SLC9C2: variants seen among roughly 807,000 people sequenced by gnomAD.
SLC9C2 encodes the protein sodium/hydrogen exchanger 11.
A neutral mutation model predicts 140.2 loss-of-function variants in SLC9C2; 75 were observed. The ratio of observed to expected loss-of-function variants is 0.53; its 90% CI spans 0.44 to 0.65. The LOEUF is 0.65. SLC9C2 is among the 30% of genes least tolerant of loss of function. The pLI, the probability that SLC9C2 is intolerant of heterozygous loss-of-function variation, is 0.00. For missense variants in SLC9C2, 1,074 were observed against 1,331.8 expected, an observed-to-expected ratio of 0.81 and a Z score of 3.01; for synonymous variants, 375 against 420.9, an observed-to-expected ratio of 0.89 and a Z score of 1.34.
chr1:173,545,086 A>G (rs959754034), intron 13 of SLC9C2, among the ~76,000 whole-genome samples: 1 of 152,192 alleles, frequency 6.6e-6, no homozygotes, highest in Non-Finnish European at 1.5e-5. Context: ...GTGTGGCTGA[A>G]GGCCCTTTGT....
intron 3 of SLC9C2, 114 bp from the exon 4 acceptor site, chr1:173,598,146 G>C (rs989351834): frequency 1.3e-5 from 15 of 1,158,982 alleles, no homozygotes; most frequent in Non-Finnish European, 1.8e-5. Flanking sequence ...TACAGCTAAC[G>C]AGAGAGTATC....
chr1:173,557,511 G>T lies in SLC9C2; in HGVS notation c.1047-3C>A, dbSNP rs1663794564. The T allele has an allele frequency of 6.2e-7, 1 of 1,605,538 alleles. No individual in the cohort carries two copies. Among genetic ancestry groups the T allele is most frequent in the East Asian group, 2.2e-5 (1 of 44,796 alleles). On this transcript the variant is annotated splice_polypyrimidine_tract_variant and splice_region_variant and intron_variant, in intron 9 of 27. Coordinates refer to ENST00000367714, the MANE Select transcript of SLC9C2 (RefSeq NM_178527.4). ...TCACTAACAAAATAGTAAGCAACCT[G>T]TGGAGAGGGAAACATTAAAAATAAA...
rs368120467 is a variant in SLC9C2, at chr1:173,507,025, T to C, written c.3056A>G (p.Asn1019Ser). Residue 1019 changes from asparagine (N) to serine (S), a missense_variant, in exon 25 of 28, where the codon AAC (asparagine) becomes AGC (serine). Asn to Ser is a conservative substitution (Grantham distance 46). Coordinates refer to ENST00000367714, the MANE Select transcript of SLC9C2 (RefSeq NM_178527.4). Reference sequence around the variant, plus strand: ...ATATGCTTGATTGAACATCACACAGTTCTGAAACCTTAAGTCCTATAATAA... The same window carrying C: ...ATATGCTTGATTGAACATCACACAGCTCTGAAACCTTAAGTCCTATAATAA... The part of the protein sequence containing the change: ...SLIDEDLRFQ[N>S]CVMFNQAYVE... 13 of 1,586,568 alleles carry C rather than the reference T, an allele frequency of 8.2e-6. No individual in the cohort carries two copies. In the African/African-American group the frequency reaches 1.6e-4, roughly 20 times the overall value.
At chr1:173,563,076 T>C (rs773792610) in intron 9 of SLC9C2, among the ~76,000 whole-genome samples, 4 of 151,818 alleles carry the variant, frequency 2.6e-5, no homozygotes, top group Non-Finnish European at 5.9e-5. Flanking sequence ...TCCTGTAATC[T>C]GAAGCCACGG....
At chr1:173,518,350 G>A (rs1054015070) in intron 22 of SLC9C2, among the ~76,000 whole-genome samples, 3 of 151,794 alleles carry the variant, frequency 2.0e-5, no homozygotes, top group African/African-American at 4.8e-5. Context: ...TATTCTTACC[G>A]CAATGGGCTA....
chr1:173,574,886 A>G (rs980213409), intron 8 of SLC9C2, among the ~76,000 whole-genome samples: 1 of 152,098 alleles, frequency 6.6e-6, no homozygotes, highest in African/African-American at 2.4e-5. Context: ...TGGGAGGCTG[A>G]GGAGGATAGA....
intron 16 of SLC9C2, 46 bp from the exon 17 acceptor site, chr1:173,533,843 T>C (rs754190133): frequency 9.3e-6 from 14 of 1,501,732 alleles, no homozygotes; most frequent in Middle Eastern, 2.4e-4. Context: ...TACAGTAATG[T>C]TGGGGGGAAG....
intron 7 of SLC9C2, among the ~76,000 whole-genome samples, chr1:173,578,610 G>A (rs1665329371): frequency 6.6e-6 from 1 of 152,184 alleles, no homozygotes; most frequent in African/African-American, 2.4e-5. Context: ...CCACAGAAAT[G>A]TATTGTCTCA....
chr1:173,552,729 A>C (rs1663403679), intron 11 of SLC9C2, among the ~76,000 whole-genome samples: 2 of 152,258 alleles, frequency 1.3e-5, no homozygotes, highest in Non-Finnish European at 2.9e-5. Context: ...CTCATTGACA[A>C]TACACTTAGT....
At chr1:173,556,530 A>G (rs181419868) in intron 10 of SLC9C2, among the ~76,000 whole-genome samples, 1 of 152,298 alleles carries the variant, frequency 6.6e-6, no homozygotes, top group East Asian at 1.9e-4. Flanking sequence ...ATACTTAACT[A>G]GCATTTCAGT....
rs1659555613 is a variant in SLC9C2 at position 173,505,282 on chromosome 1, T to C, written c.3275A>G (p.Glu1092Gly). The C allele has an allele frequency of 6.2e-7, 1 of 1,614,144 alleles. No individual in the cohort carries two copies. Among genetic ancestry groups the C allele is most frequent in the African/African-American group, 1.3e-5 (1 of 75,054 alleles). Residue 1092 changes from glutamate (E) to glycine (G), a missense_variant, in exon 26 of 28, where the codon GAG becomes GGG. Transcript: ENST00000367714. ...GGTGTTACTATTTCTTTGGGTAAGC[T>C]CAGATGCTTGGATTATCAGCAGCTT... ...LSKLLIIQAS[E>G]LTQRNSNTNV...
At chr1:173,576,819 G>C in intron 7 of SLC9C2, 59 bp from the exon 8 acceptor site, 2 of 1,004,738 alleles carry the variant, frequency 2.0e-6, no homozygotes, top group South Asian at 3.0e-5. Context: ...TGCACACTGA[G>C]ACACTTTATC....
At position 173,587,782 on chromosome 1, in the gene SLC9C2, C is replaced by G; in HGVS notation, c.406G>C (p.Gly136Arg). The G allele has an allele frequency of 3.1e-6, 5 of 1,613,094 alleles. No individual in the cohort carries two copies. The highest frequency in any genetic ancestry group is 4.2e-6 in the Non-Finnish European group (5 of 1,179,464). ...ISFSTASIII[G>R]YVVIKFNKDS... is the part of the protein sequence containing the mutation. ...TTATTGAATTTTATAACGACATATC[C>G]AATTATGATGCTTGCTGTAGAAAAG... Residue 136 changes from glycine (G) to arginine (R), a missense_variant, in exon 5 of 28, where the codon GGA (glycine) becomes CGA (arginine). Physicochemically the swap from Gly to Arg is moderately radical, Grantham distance 125 (BLOSUM62 -2). Coordinates refer to ENST00000367714, the MANE Select transcript of SLC9C2 (RefSeq NM_178527.4).
rs1026881191 is a variant in SLC9C2 at position 173,574,229 on chromosome 1, C to G, written c.903-904G>C. Among the ~76,000 whole-genome samples the G allele has an allele frequency of 3.9e-5, 6 of 152,160 alleles. No homozygotes were observed. In the East Asian group the frequency reaches 7.7e-4, roughly 20 times the overall value. On this transcript the variant is annotated intron_variant, in intron 8 of 27. Transcript: ENST00000367714. ...AGCTGACTGGGTAAGTGCATCTGCC[C>G]CACAAACCATTCTCCTTACAGGTGG...
At chr1:173,534,157 C>T (rs956885873) in intron 16 of SLC9C2, among the ~76,000 whole-genome samples, 2 of 152,050 alleles carry the variant, frequency 1.3e-5, no homozygotes, top group African/African-American at 4.8e-5. Flanking sequence ...ACCTAGCAAA[C>T]CAATTCTTAT....
intron 10 of SLC9C2, among the ~76,000 whole-genome samples, chr1:173,556,346 T>C (rs1663701461): frequency 6.6e-6 from 1 of 152,080 alleles, no homozygotes; most frequent in Non-Finnish European, 1.5e-5. Context: ...AGCTAACCCA[T>C]GGGGAAAGGC....
Position 173,587,802 on chromosome 1 carries a change from GA to G in SLC9C2, c.385del (p.Ser129LeufsTer6), listed in dbSNP as rs1665943811. ...ATATCCAATTATGATGCTTGCTGTA[GA>G]AAAGCTAATTAATCCAGTTAACAAG... Reference protein sequence around the residue: ...QVLLTGLISFSTASIIIGYVV... With the variant: ...QVLLTGLISFXTASIIIGYVV... On this transcript the variant is annotated frameshift_variant, in exon 5 of 28. Coordinates refer to ENST00000367714, the MANE Select transcript of SLC9C2 (RefSeq NM_178527.4). LOFTEE classifies it high-confidence loss of function. 2.5e-6 allele frequency: 4 copies of G among 1,612,702 alleles called. No individual in the cohort carries two copies. The highest frequency in any genetic ancestry group is 3.4e-6 in the Non-Finnish European group (4 of 1,179,398).
chr1:173,540,711 T>G (rs1423761860), intron 13 of SLC9C2, among the ~76,000 whole-genome samples: 1 of 152,222 alleles, frequency 6.6e-6, no homozygotes, highest in Non-Finnish European at 1.5e-5. Context: ...TTAAAAGTAC[T>G]GCTTTTTGTT....
intron 9 of SLC9C2, among the ~76,000 whole-genome samples, chr1:173,572,973 G>A (rs945161344): frequency 7.9e-5 from 12 of 152,124 alleles, no homozygotes; most frequent in African/African-American, 2.7e-4. Flanking sequence ...TATGGGTGAC[G>A]CCGATCCCTC....
Sources: allele counts gnomAD v4.1 joint callset (sites outside exome capture counted in the v4.1 genomes callset), GRCh38; gene constraint gnomAD v4.1.1; transcripts MANE v1.5; gene names NCBI Gene and HGNC (gene_info 2026-07-23, HGNC 2026-07-21).